Variants in CEP85L observed in about 807,000 individuals in gnomAD.
CEP85L encodes the protein centrosomal protein of 85 kDa-like.
A neutral mutation model predicts 100.3 loss-of-function variants in CEP85L; 60 were observed. That is an observed-to-expected ratio of 0.60 (90% confidence interval 0.49 to 0.74). CEP85L has a LOEUF of 0.74. CEP85L is among the 30% of genes least tolerant of loss of function. The probability of loss-of-function intolerance (pLI) is 0.00; values close to 1 mark genes in which losing one functional copy is unlikely to be tolerated. For missense variants in CEP85L, 973 were observed against 936.2 expected (o/e 1.04, Z -0.51); for synonymous variants, 319 against 322.7 (o/e 0.99, Z 0.12).
intron 1 of CEP85L, 82 bp from the exon 2 acceptor site, chr6:118,632,693 T>C: frequency 4.3e-6 from 5 of 1,156,046 alleles, no homozygotes; most frequent in Non-Finnish European, 6.1e-6. Context: ...AAAATACACA[T>C]AGGGTATAAA....
chr6:118,554,792 A>G (rs117972556), intron 3 of CEP85L, among the ~76,000 whole-genome samples: 2 of 152,228 alleles, frequency 1.3e-5, no homozygotes, highest in African/African-American at 4.8e-5. Context: ...TGCATGGCAG[A>G]CAATCAAAAG....
At chr6:118,472,606 T>G (rs1773049582) in intron 10 of CEP85L, among the ~76,000 whole-genome samples, 1 of 152,218 alleles carries the variant, frequency 6.6e-6, no homozygotes, top group Non-Finnish European at 1.5e-5. Flanking sequence ...AAATACTTTT[T>G]GCAGAGCATT....
chr6:118,524,478 C>A (rs913971344), intron 3 of CEP85L, among the ~76,000 whole-genome samples: 12 of 152,090 alleles, frequency 7.9e-5, no homozygotes, highest in African/African-American at 2.9e-4. Flanking sequence ...CATATAAGAT[C>A]TTATTCCCAT....
At chr6:118,491,620 AC>A in intron 6 of CEP85L, 65 bp downstream of exon 6, 1 of 1,556,466 alleles carries the variant, frequency 6.4e-7, no homozygotes, top group South Asian at 1.2e-5. Context: ...AGGGTAAATG[AC>A]AGACAAATAA....
chr6:118,653,932 C>A (rs753954945), upstream of CEP85L, among the ~76,000 whole-genome samples: 11 of 151,626 alleles, frequency 7.3e-5, no homozygotes, highest in Non-Finnish European at 1.6e-4. Context: ...TGTCTCATTT[C>A]AAAAAAAGAC....
At chr6:118,592,644 T>G (rs1309589240) in intron 2 of CEP85L, among the ~76,000 whole-genome samples, 1 of 152,166 alleles carries the variant, frequency 6.6e-6, no homozygotes, top group African/African-American at 2.4e-5. Flanking sequence ...AAATATCACC[T>G]ACCTTATATA....
intron 5 of CEP85L, among the ~76,000 whole-genome samples, chr6:118,504,182 T>C (rs1309944074): frequency 6.6e-6 from 1 of 152,186 alleles, no homozygotes; most frequent in African/African-American, 2.4e-5. Context: ...GAGATTGGCC[T>C]GGCCAACCTA....
rs1340907713 is a variant in CEP85L, at chr6:118,505,368, G to C, written c.1257+5930C>G. ...AGGCAGGAGAATTGCTTGAACCCAGGAGGCGGAGGTTGCAGTGAGCCAAGA... is the reference window on the plus strand; with the variant it reads ...AGGCAGGAGAATTGCTTGAACCCAGCAGGCGGAGGTTGCAGTGAGCCAAGA... On this transcript the variant is annotated intron_variant, in intron 5 of 12. Coordinates refer to ENST00000368491, the MANE Select transcript of CEP85L (RefSeq NM_001042475.3). Among the ~76,000 whole-genome samples the C allele has an allele frequency of 5.6e-5, 8 of 142,510 alleles. 1 individual carries two copies. Among genetic ancestry groups the C allele is most frequent in the African/African-American group, 2.1e-4 (8 of 37,660 alleles). The allele number at this position is 142,510 out of a possible 152,430, so 93.5% of individuals were successfully genotyped here.
At chr6:118,587,957 A>G (rs1301755912) in intron 2 of CEP85L, among the ~76,000 whole-genome samples, 1 of 152,220 alleles carries the variant, frequency 6.6e-6, no homozygotes, top group Non-Finnish European at 1.5e-5. Context: ...CATCCCTTCA[A>G]GGAACAGGGC....
intron 3 of CEP85L, among the ~76,000 whole-genome samples, chr6:118,525,553 T>C (rs1269905821): frequency 6.6e-6 from 1 of 152,084 alleles, no homozygotes; most frequent in African/African-American, 2.4e-5. Context: ...ACAGAGACAA[T>C]GCCATGTGAA....
At chr6:118,527,982 T>C (rs532556346) in intron 3 of CEP85L, among the ~76,000 whole-genome samples, 61 of 152,226 alleles carry the variant, frequency 4.0e-4, no homozygotes, top group Non-Finnish European at 7.2e-4. Flanking sequence ...CTAAAATAGG[T>C]AGATTCTCTA....
At chr6:118,500,543 G>A (rs117202424) in intron 5 of CEP85L, among the ~76,000 whole-genome samples, 5,535 of 152,222 alleles carry the variant, frequency 0.036, 149 homozygotes, top group South Asian at 0.092. Context: ...TCTCTTTCTC[G>A]TTATCTCTTT....
chr6:118,682,174 A>G (rs897807479), intron 1 of CEP85L, among the ~76,000 whole-genome samples: 36 of 152,214 alleles, frequency 2.4e-4, no homozygotes, highest in African/African-American at 8.0e-4. Flanking sequence ...GCACTTAAAT[A>G]TCATTATACT....
intron 2 of CEP85L, 109 bp from the exon 3 acceptor site, chr6:118,566,425 CTTT>C: frequency 1.2e-6 from 1 of 866,210 alleles, no homozygotes; most frequent in Non-Finnish European, 1.6e-6. Context: ...ATAGCACAAG[CTTT>C]TTTTTTTGAG....
intron 2 of CEP85L, among the ~76,000 whole-genome samples, chr6:118,571,240 T>G (rs1779869611): frequency 6.6e-6 from 1 of 152,204 alleles, no homozygotes; most frequent in Non-Finnish European, 1.5e-5. Flanking sequence ...GCTACCTAAT[T>G]GTAGCCACAA....
intron 2 of CEP85L, among the ~76,000 whole-genome samples, chr6:118,571,861 T>G (rs1779907910): frequency 6.6e-6 from 1 of 152,158 alleles, no homozygotes; most frequent in Non-Finnish European, 1.5e-5. Flanking sequence ...AATTTTGTTT[T>G]GTTTTGTTTT....
intron 2 of CEP85L, among the ~76,000 whole-genome samples, chr6:118,602,044 A>C (rs942899823): frequency 1.8e-4 from 27 of 152,092 alleles, no homozygotes; most frequent in African/African-American, 6.5e-4. Flanking sequence ...CACGCCTCTA[A>C]CATTTCCCCC....
At chr6:118,627,817 G>C (rs1028755077) in intron 2 of CEP85L, among the ~76,000 whole-genome samples, 80 of 152,268 alleles carry the variant, frequency 5.3e-4, no homozygotes, top group African/African-American at 1.9e-3. Flanking sequence ...TATTTAACCA[G>C]AGCCTAAACT....
At chr6:118,600,805 A>AAG (rs1045516369) in intron 2 of CEP85L, among the ~76,000 whole-genome samples, 1 of 151,720 alleles carries the variant, frequency 6.6e-6, no homozygotes, top group African/African-American at 2.4e-5. Flanking sequence ...CTTTTTTAAA[A>AAG]AAAAAAAAAA....
Sources: gnomAD v4.1 joint callset for allele counts (sites outside exome capture counted in the v4.1 genomes callset) on GRCh38, gnomAD v4.1.1 for gene constraint, MANE v1.5 for transcripts, NCBI Gene and HGNC (gene_info 2026-07-23, HGNC 2026-07-21) for gene names.